Variants in CALHM4 observed in about 807,000 individuals in gnomAD.
CALHM4 encodes calcium homeostasis modulator protein 4.
A neutral mutation model predicts 13.3 loss-of-function variants in CALHM4; 16 were observed. The ratio of observed to expected loss-of-function variants is 1.20; its 90% confidence interval spans 0.81 to 1.82. CALHM4 has a LOEUF of 1.82. Among genes scored for constraint, CALHM4 ranks in the 40% most tolerant of loss-of-function variants. The pLI is 0.00. For synonymous variants in CALHM4, 127 were observed against 137.1 expected (o/e 0.93, Z 0.52); for missense variants, 344 against 374.9 (o/e 0.92, Z 0.68).
chr6:116,533,680 G>A (rs956311175), intron 1 of CALHM4, among the ~76,000 whole-genome samples: 1 of 152,214 alleles, frequency 6.6e-6, no homozygotes, highest in Non-Finnish European at 1.5e-5. Context: ...TGTAACGCTA[G>A]AGCTCCATCA....
chr6:116,537,030 G>A (rs957271617), intron 1 of CALHM4, among the ~76,000 whole-genome samples: 1 of 152,114 alleles, frequency 6.6e-6, no homozygotes, highest in African/African-American at 2.4e-5. Flanking sequence ...TCCTGAAATG[G>A]GTGACATTAG....
intron 2 of CALHM4, among the ~76,000 whole-genome samples, chr6:116,548,332 A>T (rs1384725781): frequency 6.6e-6 from 1 of 152,172 alleles, no homozygotes; most frequent in African/African-American, 2.4e-5. Flanking sequence ...TAAAAAATAA[A>T]TTTCTGGTGT....
At chr6:116,544,909 G>A (rs1016965183) in intron 2 of CALHM4, among the ~76,000 whole-genome samples, 3 of 152,072 alleles carry the variant, frequency 2.0e-5, no homozygotes, top group Non-Finnish European at 4.4e-5. Flanking sequence ...AAAACTATAA[G>A]AGAGTATTAA....
chr6:116,553,029 G>C (rs1347037369), upstream of CALHM4, among the ~76,000 whole-genome samples: 1 of 152,144 alleles, frequency 6.6e-6, no homozygotes, highest in East Asian at 1.9e-4. Flanking sequence ...AGCCGAGATC[G>C]CGCCACTGCA....
chr6:116,543,921 T>G (rs964172941), intron 2 of CALHM4: 3 of 1,354,896 alleles, frequency 2.2e-6, no homozygotes, highest in African/African-American at 2.9e-5. Flanking sequence ...ATGTGATATT[T>G]CCTTATAGTT....
In CALHM4 at chr6:116,558,048, T is replaced by TCAAA. The variant is rs757006072; in HGVS notation, c.785_788dup (p.His263GlnfsTer24). ...GGCTTCATTCCCGGGAGTGAAGACG[T>TCAAA]CAAACACATCCGCATTCCTTCTTGT... On this transcript the variant is annotated frameshift_variant, in exon 2 of 2. Transcript: ENST00000368596. LOFTEE classifies it high-confidence loss of function. The TCAAA allele has an allele frequency of 1.2e-6, 2 of 1,614,144 alleles. No homozygotes were observed. Among genetic ancestry groups the TCAAA allele is most frequent in the Non-Finnish European group, 1.7e-6 (2 of 1,180,020 alleles).
rs1160852691 is a variant in CALHM4, at chr6:116,560,669, G to A, written c.*2458G>A. On this transcript the variant is annotated 3_prime_UTR_variant, in exon 2 of 2. Coordinates refer to ENST00000368596, the MANE Select transcript of CALHM4 (RefSeq NM_001366078.2). ...GTATTTTGGGGGGGGGGGGGGCTAT[G>A]GTCTATAGCATTTTTTTGCTCCACA... 6.8e-6 allele frequency among the ~76,000 whole-genome samples: 1 copy of A among 147,158 alleles called. No individual in the cohort carries two copies. The highest frequency in any genetic ancestry group is 2.5e-5 in the African/African-American group (1 of 39,374).
At chr6:116,541,294 T>A (rs558814885) in intron 1 of CALHM4, among the ~76,000 whole-genome samples, 7 of 152,312 alleles carry the variant, frequency 4.6e-5, no homozygotes, top group Admixed American at 1.3e-4. Flanking sequence ...GCAATCTAGC[T>A]GAGAAAATGT....
At chr6:116,549,979 A>ATT (rs1272323377), upstream of CALHM4, among the ~76,000 whole-genome samples, 3 of 30,686 alleles carry the variant, frequency 9.8e-5, no homozygotes, top group African/African-American at 3.8e-4. Context: ...TCCATCTTAA[A>ATT]TTATATATAT....
intron 1 of CALHM4, among the ~76,000 whole-genome samples, chr6:116,539,849 A>G (rs549734850): frequency 6.6e-6 from 1 of 152,348 alleles, no homozygotes; most frequent in Non-Finnish European, 1.5e-5. Flanking sequence ...ATTTCTAATA[A>G]AAGTGAGCTA....
rs774383718 is a variant in CALHM4 at position 116,560,662 on chromosome 6, G to C, written c.*2451G>C. Among the ~76,000 whole-genome samples the C allele has an allele frequency of 9.0e-5, 11 of 122,414 alleles. No individual in the cohort carries two copies. The highest frequency in any genetic ancestry group is 2.3e-4 in the African/African-American group (8 of 34,450). 80.3% of individuals were successfully genotyped at this position (122,414 alleles called of 152,430 possible). A position where few individuals can be genotyped will look rare whatever the true frequency, so the allele number is the denominator to read the frequency against. Reference sequence around the variant, plus strand: ...ATTTTTAGTATTTTGGGGGGGGGGGGGGCTATGGTCTATAGCATTTTTTTG... The same window carrying C: ...ATTTTTAGTATTTTGGGGGGGGGGGCGGCTATGGTCTATAGCATTTTTTTG... On this transcript the variant is annotated 3_prime_UTR_variant, in exon 2 of 2. Coordinates refer to ENST00000368596, the MANE Select transcript of CALHM4 (RefSeq NM_001366078.2).
At chr6:116,538,476 G>A (rs1293166856) in intron 1 of CALHM4, among the ~76,000 whole-genome samples, 3 of 152,040 alleles carry the variant, frequency 2.0e-5, no homozygotes, top group Non-Finnish European at 4.4e-5. Context: ...AAAAATAAGT[G>A]AATACATTAA....
At chr6:116,537,584 C>A (rs1773178774) in intron 1 of CALHM4, among the ~76,000 whole-genome samples, 1 of 151,954 alleles carries the variant, frequency 6.6e-6, no homozygotes, top group Non-Finnish European at 1.5e-5. Context: ...CTTTTTTAAT[C>A]TGGAGCATTG....
At chr6:116,540,439 A>G in intron 1 of CALHM4, 1 of 1,551,362 alleles carries the variant, frequency 6.4e-7, no homozygotes, top group Non-Finnish European at 8.7e-7. Context: ...GTCTTCCACA[A>G]GCCGCGTTCC....
At position 116,558,289 on chromosome 6, in the gene CALHM4, T is replaced by A; in HGVS notation, c.*78T>A. The A allele has an allele frequency of 7.2e-7, 1 of 1,388,368 alleles. No homozygotes were observed. Among genetic ancestry groups the A allele is most frequent in the Non-Finnish European group, 9.7e-7 (1 of 1,033,580 alleles). 86.0% of individuals were successfully genotyped at this position (1,388,368 alleles called of 1,614,324 possible). On this transcript the variant is annotated 3_prime_UTR_variant, in exon 2 of 2. Transcript: ENST00000368596. ...CTTTTATGATCAGGCCATTTCAATG[T>A]AATCTCTTCATCTTTTTCTTTCTCT...
chr6:116,535,895 C>T (rs1255739709), intron 1 of CALHM4, among the ~76,000 whole-genome samples: 1 of 152,118 alleles, frequency 6.6e-6, no homozygotes, highest in African/African-American at 2.4e-5. Flanking sequence ...ATGGTGATAG[C>T]AGATAAGTCT....
chr6:116,546,864 A>C (rs1773811202), intron 2 of CALHM4, among the ~76,000 whole-genome samples: 1 of 152,150 alleles, frequency 6.6e-6, no homozygotes, highest in African/African-American at 2.4e-5. Context: ...AATTTCACTT[A>C]GTTGTGGGGT....
intron 1 of CALHM4, among the ~76,000 whole-genome samples, chr6:116,536,299 T>C (rs539826326): frequency 2.0e-5 from 3 of 152,330 alleles, no homozygotes; most frequent in Admixed American, 2.0e-4. Flanking sequence ...TTGGCCATTA[T>C]CATGGGATTT....
At chr6:116,554,790 C>G (rs531736459) in intron 1 of CALHM4, among the ~76,000 whole-genome samples, 138 of 152,184 alleles carry the variant, frequency 9.1e-4, no homozygotes, top group African/African-American at 3.3e-3. Context: ...TTATATATTA[C>G]TATCTCATCT....
Sources: gnomAD v4.1 joint callset for allele counts (sites outside exome capture counted in the v4.1 genomes callset) on GRCh38, gnomAD v4.1.1 for gene constraint, MANE v1.5 for transcripts, NCBI Gene and HGNC (gene_info 2026-07-23, HGNC 2026-07-21) for gene names.